ITIH5: variants seen among roughly 807,000 people sequenced by gnomAD.
The protein encoded by ITIH5 is inter-alpha-trypsin inhibitor heavy chain 5.
Under a neutral mutation model 77.5 loss-of-function variants are expected in ITIH5, and 65 were observed. The ratio of observed to expected loss-of-function variants is 0.84; its 90% CI spans 0.69 to 1.03. ITIH5 has a LOEUF of 1.03. Ranked by LOEUF, ITIH5 falls within the 50% of genes least tolerant of loss-of-function variation. ITIH5 has a pLI of 0.00. For missense variants in ITIH5, 1,208 were observed against 1,213.1 expected (o/e 1.00, Z 0.06); for synonymous variants, 525 against 494.3 (o/e 1.06, Z -0.82).
In ITIH5 at chr10:7,611,299, C is replaced by T. The variant is rs139307336; in HGVS notation, c.939+4683G>A. On this transcript the variant is annotated intron_variant, in intron 7 of 13. Transcript: ENST00000397146. ...CTTGCATTAAATCATTCACATAATA[C>T]TCTTAGCTATTTTGGAAATGGCCCA... Among the ~76,000 whole-genome samples, 880 of 152,358 alleles carry T rather than the reference C, an allele frequency of 5.8e-3. 3 individuals carry two copies. The highest frequency in any genetic ancestry group is 9.2e-3 in the Non-Finnish European group (627 of 68,032).
chr10:7,611,744 T>C (rs182814712), intron 7 of ITIH5, among the ~76,000 whole-genome samples: 1 of 152,240 alleles, frequency 6.6e-6, no homozygotes. Context: ...TGCAATTTTC[T>C]AGTGTTTTGT....
chr10:7,588,475 G>A (rs952969040), intron 7 of ITIH5, among the ~76,000 whole-genome samples: 4 of 152,214 alleles, frequency 2.6e-5, no homozygotes, highest in Non-Finnish European at 5.9e-5. Context: ...CCCAGATCGT[G>A]CCACTGCACT....
intron 2 of ITIH5, among the ~76,000 whole-genome samples, chr10:7,644,512 T>TATATATCATATATATG (rs1564277391): frequency 4.1e-5 from 2 of 48,894 alleles, no homozygotes; most frequent in Non-Finnish European, 7.8e-5. Context: ...ATATATATGA[T>TATATATCATATATATG]ATATATCACA....
rs774293131 is a variant in ITIH5 at position 7,655,617 on chromosome 10, A to G, written c.135+14T>C. 1.2e-6 allele frequency: 2 copies of G among 1,603,212 alleles called. No homozygotes were observed. Among genetic ancestry groups the G allele is most frequent in the South Asian group, 2.2e-5 (2 of 90,824 alleles). ...AGGGAATGGACTTTCAAGATGCACC[A>G]TGAATATACCTACCAGCCTCTGCAA... is the stretch of plus-strand genomic sequence containing the variant. On this transcript the variant is annotated intron_variant, in intron 2 of 13. Coordinates refer to ENST00000397146, the MANE Select transcript of ITIH5 (RefSeq NM_030569.7).
intron 8 of ITIH5, among the ~76,000 whole-genome samples, chr10:7,581,855 C>G (rs1009339835): frequency 3.4e-5 from 5 of 145,576 alleles, no homozygotes; most frequent in African/African-American, 1.3e-4. Context: ...AGCCACCATG[C>G]CCGGCCACCC....
rs1306240329 is a variant in ITIH5 at position 7,561,878 on chromosome 10, C to T, written c.*1205G>A. The T allele has an allele frequency of 6.6e-6, 1 of 152,268 alleles. No homozygotes were observed. The highest frequency in any genetic ancestry group is 1.5e-5 in the Non-Finnish European group (1 of 68,116). 9.4% of individuals were successfully genotyped at this position (152,268 alleles called of 1,614,324 possible). A position where few individuals can be genotyped will look rare whatever the true frequency, so the allele number is the denominator to read the frequency against. ...ACTTCCCCGACCACAGTCTTTCTTT[C>T]TCTGCTGTTTCGCCCAAGCGCTCCC... is the stretch of plus-strand genomic sequence containing the variant. On this transcript the variant is annotated 3_prime_UTR_variant, in exon 14 of 14. Coordinates refer to ENST00000397146, the MANE Select transcript of ITIH5 (RefSeq NM_030569.7).
At chr10:7,593,672 GCCTGC>G (rs1564250065) in intron 7 of ITIH5, among the ~76,000 whole-genome samples, 2 of 41,040 alleles carry the variant, frequency 4.9e-5, no homozygotes, top group African/African-American at 1.1e-4. Context: ...CACCCCTGCA[GCCTGC>G]AGCCACCCAG....
intron 5 of ITIH5, among the ~76,000 whole-genome samples, chr10:7,625,341 G>C (rs1564266916): frequency 2.6e-5 from 4 of 152,160 alleles, no homozygotes; most frequent in African/African-American, 9.7e-5. Context: ...GTGGTTATCT[G>C]GGACCAGGGG....
chr10:7,633,057 T>C (rs1407323991), intron 5 of ITIH5, among the ~76,000 whole-genome samples: 2 of 152,164 alleles, frequency 1.3e-5, no homozygotes, highest in African/African-American at 2.4e-5. Context: ...AGAATATACC[T>C]TCAGAAATCA....
chr10:7,564,994 T>G lies in ITIH5; in HGVS notation c.2527+1036A>C, dbSNP rs556099795. On this transcript the variant is annotated intron_variant, in intron 13 of 13. Transcript: ENST00000397146. ...ACATATACACACACGTTCATACATA[T>G]AGACTGTATACCTACATATATACAT... 3.0e-4 allele frequency among the ~76,000 whole-genome samples: 44 copies of G among 146,754 alleles called. No homozygotes were observed. The South Asian group carries it at 9.5e-3, about 32-fold the overall frequency.
chr10:7,564,038 G>A (rs1330358802), intron 13 of ITIH5, among the ~76,000 whole-genome samples: 1 of 152,244 alleles, frequency 6.6e-6, no homozygotes, highest in African/African-American at 2.4e-5. Flanking sequence ...GAAGAAAGCT[G>A]GGTAGAATGG....
intron 7 of ITIH5, among the ~76,000 whole-genome samples, chr10:7,606,362 T>C (rs1379570836): frequency 6.6e-6 from 1 of 152,130 alleles, no homozygotes; most frequent in Non-Finnish European, 1.5e-5. Flanking sequence ...TAAATGACCA[T>C]CAGTGGTGGA....
At chr10:7,625,965 C>T (rs1421570824) in intron 5 of ITIH5, among the ~76,000 whole-genome samples, 1 of 152,152 alleles carries the variant, frequency 6.6e-6, no homozygotes, top group Non-Finnish European at 1.5e-5. Context: ...TGAGAGTTCA[C>T]GTCCAGCTTG....
At chr10:7,624,844 C>T (rs546203033) in intron 5 of ITIH5, among the ~76,000 whole-genome samples, 1 of 129,580 alleles carries the variant, frequency 7.7e-6, no homozygotes, top group East Asian at 2.3e-4. Flanking sequence ...CATGTATATA[C>T]ACATATATAT....
chr10:7,623,615 A>G (rs534609344), intron 5 of ITIH5, among the ~76,000 whole-genome samples: 24 of 152,024 alleles, frequency 1.6e-4, no homozygotes, highest in Non-Finnish European at 2.6e-4. Flanking sequence ...CATCCTGGAT[A>G]ACACGGTGAA....
chr10:7,635,376 C>T (rs1833782691), intron 5 of ITIH5, among the ~76,000 whole-genome samples: 1 of 152,238 alleles, frequency 6.6e-6, no homozygotes, highest in Non-Finnish European at 1.5e-5. Context: ...CAAGCCAAGT[C>T]TTACAGCCTT....
chr10:7,643,719 C>T (rs1833923872), intron 2 of ITIH5, among the ~76,000 whole-genome samples: 1 of 152,168 alleles, frequency 6.6e-6, no homozygotes, highest in African/African-American at 2.4e-5. Context: ...AGCCCTAGGC[C>T]TGTTTTCAAA....
At chr10:7,581,870 ATTTT>A (rs34386089) in intron 8 of ITIH5, among the ~76,000 whole-genome samples, 967 of 81,436 alleles carry the variant, frequency 0.012, 11 homozygotes, top group African/African-American at 0.04. Context: ...CCACCCATGT[ATTTT>A]TTTTTTTTTT....
intron 5 of ITIH5, among the ~76,000 whole-genome samples, chr10:7,627,302 AG>A (rs1213023520): frequency 7.6e-6 from 1 of 131,266 alleles, no homozygotes; most frequent in Non-Finnish European, 1.5e-5. Context: ...TTAAAGTAAA[AG>A]AAAAAAAAGA....
Sources: allele counts gnomAD v4.1 joint callset (sites outside exome capture counted in the v4.1 genomes callset), GRCh38; gene constraint gnomAD v4.1.1; transcripts MANE v1.5; gene names NCBI Gene and HGNC (gene_info 2026-07-23, HGNC 2026-07-21).